Variants in TENM1 observed in about 807,000 individuals in gnomAD.
TENM1 encodes teneurin-1.
Under a neutral mutation model 174.8 loss-of-function variants are expected in TENM1, and 35 were observed. That is an observed-to-expected ratio of 0.20 (90% confidence interval 0.15 to 0.27). The LOEUF (loss-of-function observed/expected upper bound fraction) is 0.27, where lower values mean the gene tolerates loss of function less well. TENM1 is among the 10% of genes least tolerant of loss of function. The pLI, the probability that TENM1 is intolerant of heterozygous loss-of-function variation, is 1.00. For synonymous variants in TENM1, 781 were observed against 798.7 expected (o/e 0.98, Z 0.37); for missense variants, 1,633 against 2,130.1 (o/e 0.77, Z 4.59).
At chrX:124,565,872 C>T (rs773875974) in intron 11 of TENM1, among the ~76,000 whole-genome samples, 21 of 111,534 alleles carry the variant, frequency 1.9e-4, no homozygotes, top group Non-Finnish European at 3.2e-4. Context: ...AGATCTCTAG[C>T]ATCTGAATGA....
intron 1 of TENM1, among the ~76,000 whole-genome samples, chrX:124,951,673 T>TATATATAA (rs767583231): frequency 0.081 from 5,316 of 65,783 alleles, 268 homozygotes; most frequent in Non-Finnish European, 0.11. Flanking sequence ...TATATATATA[T>TATATATAA]AACAATCAAT....
At chrX:124,590,132 A>T (rs759903432) in intron 11 of TENM1, among the ~76,000 whole-genome samples, 23 of 111,639 alleles carry the variant, frequency 2.1e-4, no homozygotes, top group East Asian at 5.6e-4. Context: ...TATTTCAAAA[A>T]TTTTTTTTAA....
At chrX:124,677,215 T>C (rs190620435) in intron 5 of TENM1, among the ~76,000 whole-genome samples, 2 of 111,313 alleles carry the variant, frequency 1.8e-5, no homozygotes, top group East Asian at 5.6e-4. Context: ...TGTTGAGCAG[T>C]GATGATCTTG....
In TENM1 at chrX:124,944,435, A is replaced by T. The variant is rs188572049; in HGVS notation, c.217+19102T>A. Reference sequence around the variant, plus strand: ...GCAGCTCATAAAAATATTACTGAGGAGTAAATAAAATAGGGCAATATCATC... The same window carrying T: ...GCAGCTCATAAAAATATTACTGAGGTGTAAATAAAATAGGGCAATATCATC... On this transcript the variant is annotated intron_variant, in intron 1 of 31. Transcript: ENST00000422452. Among the ~76,000 whole-genome samples, 12 of 109,083 alleles carry T rather than the reference A, an allele frequency of 1.1e-4. No homozygotes were observed. In the East Asian group the frequency reaches 3.4e-3, roughly 31 times the overall value. 94.7% of individuals were successfully genotyped at this position (109,083 alleles called of 115,157 possible).
At chrX:124,701,087 A>G (rs1351826112) in intron 5 of TENM1, among the ~76,000 whole-genome samples, 1 of 111,338 alleles carries the variant, frequency 9.0e-6, no homozygotes, top group Non-Finnish European at 1.9e-5. Flanking sequence ...AGCTTTCTAC[A>G]TGTAGGCTAT....
chrX:124,696,173 A>G (rs1431723569), intron 5 of TENM1, among the ~76,000 whole-genome samples: 1 of 111,881 alleles, frequency 8.9e-6, no homozygotes, highest in Non-Finnish European at 1.9e-5. Context: ...AGCCTGGAGT[A>G]GCATTGAATA....
chrX:124,435,354 T>C (rs1483419126), intron 23 of TENM1, among the ~76,000 whole-genome samples: 1 of 112,218 alleles, frequency 8.9e-6, no homozygotes, highest in Non-Finnish European at 1.9e-5. Flanking sequence ...TAAAGCAATT[T>C]ACAGGCCAGA....
chrX:124,740,818 G>A (rs1268051161), intron 3 of TENM1, among the ~76,000 whole-genome samples: 4 of 111,358 alleles, frequency 3.6e-5, no homozygotes, highest in Non-Finnish European at 7.5e-5. Context: ...ATACATTAGT[G>A]TTCAGTGTCA....
intron 6 of TENM1, among the ~76,000 whole-genome samples, chrX:124,661,602 G>T (rs939929329): frequency 2.7e-5 from 3 of 111,813 alleles, no homozygotes; most frequent in African/African-American, 9.8e-5. Context: ...AACTTTGGAT[G>T]GTGGCAGGAT....
At chrX:124,581,700 T>G (rs2049316130) in intron 11 of TENM1, among the ~76,000 whole-genome samples, 1 of 101,686 alleles carries the variant, frequency 9.8e-6, no homozygotes, top group African/African-American at 3.5e-5. Flanking sequence ...CACTAGCATC[T>G]GTTATTTTTT....
chrX:124,726,810 G>C (rs1444417759), intron 4 of TENM1, among the ~76,000 whole-genome samples: 1 of 112,146 alleles, frequency 8.9e-6, no homozygotes, highest in Non-Finnish European at 1.9e-5. Context: ...TGCTGCTGGA[G>C]AACTTACATT....
intron 28 of TENM1, among the ~76,000 whole-genome samples, chrX:124,387,218 CT>C (rs2147599586): frequency 9.1e-6 from 1 of 110,013 alleles, no homozygotes; most frequent in African/African-American, 3.3e-5. Flanking sequence ...TATGCAGCCC[CT>C]CTCCCCCAAA....
At chrX:124,407,963 A>G (rs757510518) in intron 25 of TENM1, among the ~76,000 whole-genome samples, 2 of 110,936 alleles carry the variant, frequency 1.8e-5, no homozygotes, top group African/African-American at 6.6e-5. Flanking sequence ...TCCTGGGGTT[A>G]ATGGCAAAAT....
chrX:124,798,514 C>A (rs1446186854), intron 3 of TENM1, among the ~76,000 whole-genome samples: 1 of 111,809 alleles, frequency 8.9e-6, no homozygotes, highest in African/African-American at 3.3e-5. Context: ...TGTTCATATC[C>A]TTCACCCTCT....
At chrX:124,586,226 C>A (rs1295809814) in intron 11 of TENM1, among the ~76,000 whole-genome samples, 1 of 111,088 alleles carries the variant, frequency 9.0e-6, no homozygotes, top group African/African-American at 3.3e-5. Flanking sequence ...CGGGCAGACA[C>A]ACAACAGAAA....
the TENM1 span, among the ~76,000 whole-genome samples, chrX:125,139,868 A>ATG: frequency 1.2e-5 from 1 of 81,754 alleles, no homozygotes; most frequent in East Asian, 3.8e-4. Context: ...GGAGAGAGAG[A>ATG]GAGAGAGAGA....
At chrX:124,561,066 G>A (rs771497257) in intron 14 of TENM1, among the ~76,000 whole-genome samples, 3 of 111,660 alleles carry the variant, frequency 2.7e-5, no homozygotes, top group African/African-American at 6.5e-5. Flanking sequence ...AAATTGTCTC[G>A]ATGCTATGTC....
intron 11 of TENM1, among the ~76,000 whole-genome samples, chrX:124,626,132 T>G (rs1421312396): frequency 9.0e-6 from 1 of 110,811 alleles, no homozygotes; most frequent in East Asian, 2.8e-4. Flanking sequence ...GTCTACAAAC[T>G]CTATAGCCAG....
At chrX:124,679,004 G>T (rs756571290) in intron 5 of TENM1, among the ~76,000 whole-genome samples, 1 of 111,586 alleles carries the variant, frequency 9.0e-6, no homozygotes, top group Non-Finnish European at 1.9e-5. Flanking sequence ...TAAGACAAAT[G>T]TAACTTTGCT....
Sources: allele counts gnomAD v4.1 joint callset (sites outside exome capture counted in the v4.1 genomes callset), GRCh38; gene constraint gnomAD v4.1.1; transcripts MANE v1.5; gene names NCBI Gene and HGNC (gene_info 2026-07-23, HGNC 2026-07-21).